Variants in JAML observed in about 807,000 individuals in gnomAD.
JAML encodes the protein junctional adhesion molecule-like.
In JAML, 25 loss-of-function variants were observed where a neutral mutation model predicts 39.3. The ratio of observed to expected loss-of-function variants is 0.64; its 90% CI spans 0.46 to 0.89. The LOEUF (loss-of-function observed/expected upper bound fraction) is 0.89. Among genes scored for constraint, JAML ranks in the 40% least tolerant of loss-of-function variants. The pLI, the probability that JAML is intolerant of heterozygous loss-of-function variation, is 0.00. For missense variants in JAML, 440 were observed against 486.9 expected, an observed-to-expected ratio of 0.90 and a Z score of 0.91; for synonymous variants, 162 against 179.2, an observed-to-expected ratio of 0.90 and a Z score of 0.77.
In JAML at chr11:118,194,155, T is replaced by A; in HGVS notation, c.*170A>T. On this transcript the variant is annotated 3_prime_UTR_variant, in exon 10 of 10. Transcript: ENST00000356289. ...CAGCAGGCCTGTTCCTCCAGAGCTGTCCAGTCTCTCTGCCAGGCTCCAAAT... is the reference window on the plus strand; with the variant it reads ...CAGCAGGCCTGTTCCTCCAGAGCTGACCAGTCTCTCTGCCAGGCTCCAAAT... 1 of 625,848 alleles carries A rather than the reference T, an allele frequency of 1.6e-6. No homozygotes were observed. The highest frequency in any genetic ancestry group is 2.9e-6 in the Non-Finnish European group (1 of 345,204). The allele number at this position is 625,848 out of a possible 1,614,324, so 38.8% of individuals were successfully genotyped here. A position where few individuals can be genotyped will look rare whatever the true frequency, so the allele number is the denominator to read the frequency against.
Position 118,212,487 on chromosome 11 carries a change from T to G in JAML, c.118A>C (p.Met40Leu). ...TCTGTGCTCTGGAAAACACATCCCA[T>G]CAGAGCTGAATCACCCACATGGACT... ...LTVHVGDSAL[M>L]GCVFQSTEDK... The change falls in exon 3 of 10, where the codon ATG becomes CTG. Residue 40 changes from methionine to leucine, a missense_variant. Transcript: ENST00000356289. The G allele has an allele frequency of 6.2e-7, 1 of 1,614,116 alleles. No homozygotes were observed. The highest frequency in any genetic ancestry group is 8.5e-7 in the Non-Finnish European group (1 of 1,179,998).
At chr11:118,200,904 A>G (rs1209137606) in intron 6 of JAML, 2 of 269,988 alleles carry the variant, frequency 7.4e-6, no homozygotes, top group Non-Finnish European at 1.4e-5. Context: ...TTGGCTTAAC[A>G]AGGACCCAGA....
At chr11:118,198,674 T>TAAAAAAAAAAAA (rs61119825) in intron 7 of JAML, among the ~76,000 whole-genome samples, 1 of 127,596 alleles carries the variant, frequency 7.8e-6, no homozygotes. Context: ...AAGTCAGAAC[T>TAAAAAAAAAAAA]AAAAAAAAAA....
chr11:118,207,977 A>AC (rs1948953180), intron 4 of JAML, among the ~76,000 whole-genome samples: 1 of 152,178 alleles, frequency 6.6e-6, no homozygotes. Context: ...CCTTTGTAAT[A>AC]CCAGCAATTT....
chr11:118,197,734 T>G (rs1948690007), intron 8 of JAML: 2 of 404,336 alleles, frequency 4.9e-6, no homozygotes, highest in African/African-American at 4.1e-5. Context: ...CTCAGGGAGG[T>G]GGCAGATCTT....
At chr11:118,196,916 C>A in intron 8 of JAML, 95 bp from the exon 9 acceptor site, 1 of 954,570 alleles carries the variant, frequency 1.0e-6, no homozygotes, top group Non-Finnish European at 1.7e-6. Flanking sequence ...AGGCATCGAC[C>A]ACCCAAACTG....
At chr11:118,224,441 T>C in intron 1 of JAML, among the ~76,000 whole-genome samples, 1 of 152,344 alleles carries the variant, frequency 6.6e-6, no homozygotes, top group South Asian at 2.1e-4. Context: ...TATAACTATG[T>C]AAAATGATGG....
At chr11:118,205,580 C>A (rs563898777) in intron 5 of JAML, 1 of 328,090 alleles carries the variant, frequency 3.0e-6, no homozygotes, top group African/African-American at 2.1e-5. Context: ...GGACTCTATA[C>A]GAAGGAAAAG....
intron 7 of JAML, among the ~76,000 whole-genome samples, chr11:118,199,747 A>G (rs1176416914): frequency 7.1e-6 from 1 of 140,706 alleles, no homozygotes; most frequent in Non-Finnish European, 1.5e-5. Flanking sequence ...CCCAGGCTGG[A>G]GTGCAGTGGC....
chr11:118,201,304 A>T (rs1392693844), intron 6 of JAML: 1 of 152,284 alleles, frequency 6.6e-6, no homozygotes, highest in African/African-American at 2.4e-5. Context: ...TGCCAGCAAA[A>T]GTTCTAAAGT....
chr11:118,200,362 C>T (rs1426498456), intron 7 of JAML, 112 bp downstream of exon 7: 6 of 1,280,156 alleles, frequency 4.7e-6, no homozygotes, highest in South Asian at 1.4e-5. Flanking sequence ...TTAAAAATAC[C>T]CCCTTCTGTG....
chr11:118,203,289 G>A, intron 6 of JAML, 139 bp downstream of exon 6: 1 of 813,800 alleles, frequency 1.2e-6, no homozygotes. Flanking sequence ...TCTCAGGGTT[G>A]TGCAAGGCCA....
intron 1 of JAML, among the ~76,000 whole-genome samples, chr11:118,220,764 G>A (rs1395346564): frequency 2.6e-5 from 4 of 152,304 alleles, no homozygotes; most frequent in Non-Finnish European, 5.9e-5. Flanking sequence ...CAGTGCAGAT[G>A]GCCAGGCCAC....
chr11:118,199,627 C>T (rs957505829), intron 7 of JAML, among the ~76,000 whole-genome samples: 1 of 151,870 alleles, frequency 6.6e-6, no homozygotes, highest in Non-Finnish European at 1.5e-5. Context: ...CATCTGGGCA[C>T]TTCTGAGACC....
rs1949215781 is a variant in JAML, at chr11:118,222,074, CTTAA to C, written c.-21+2863_-21+2866del. On this transcript the variant is annotated intron_variant, in intron 1 of 9. Transcript: ENST00000356289. This position sits in a 1 kb window ranked among gnomAD's most constrained non-coding sequence, Gnocchi z 4.2. ...TGAGAACTCCATAGTCAGAAATCAA[CTTAA>C]TTAAAGACGATATTTGGGCTGTATG... 6.6e-6 allele frequency among the ~76,000 whole-genome samples: 1 copy of C among 152,146 alleles called. No homozygotes were observed. The highest frequency in any genetic ancestry group is 2.4e-5 in the African/African-American group (1 of 41,426).
At chr11:118,220,812 AG>A (rs1949202518) in intron 1 of JAML, among the ~76,000 whole-genome samples, 1 of 152,178 alleles carries the variant, frequency 6.6e-6, no homozygotes, top group South Asian at 2.1e-4. Flanking sequence ...CATGGGAAAA[AG>A]CCCCGCACAG....
intron 2 of JAML, chr11:118,213,326 C>T (rs1203821804): frequency 1.5e-5 from 15 of 1,022,290 alleles, no homozygotes; most frequent in Non-Finnish European, 1.4e-5. Flanking sequence ...CATTTAGATG[C>T]TGCCCAGTTC....
Position 118,210,660 on chromosome 11 carries a change from A to T in JAML, c.251T>A (p.Phe84Tyr). The change falls in exon 4 of 10, where the codon TTC becomes TAC. Residue 84 changes from phenylalanine to tyrosine, a missense_variant. By Grantham distance (22) the Phe-to-Tyr change is conservative (BLOSUM62 3). Transcript: ENST00000356289. ...CCCCATCAAGTGTACGCGGTTCTGGAAGCGCCCAATAGGCACACTGAGATT... is the reference window on the plus strand; with the variant it reads ...CCCCATCAAGTGTACGCGGTTCTGGTAGCGCCCAATAGGCACACTGAGATT... ...YSNLSVPIGR[F>Y]QNRVHLMGDI... The T allele has an allele frequency of 6.2e-7, 1 of 1,614,206 alleles. No individual in the cohort carries two copies. The highest frequency in any genetic ancestry group is 1.1e-5 in the South Asian group (1 of 91,088).
rs770102239 is a variant in JAML at position 118,196,868 on chromosome 11, T to G, written c.1006-47A>C. 4 of 1,505,452 alleles carry G rather than the reference T, an allele frequency of 2.7e-6. No homozygotes were observed. The South Asian group carries it at 4.5e-5, about 17-fold the overall frequency. 93.3% of individuals were successfully genotyped at this position (1,505,452 alleles called of 1,614,324 possible). On this transcript the variant is annotated intron_variant, in intron 8 of 9. Coordinates refer to ENST00000356289, the MANE Select transcript of JAML (RefSeq NM_001098526.2). ...AAAATTCCTAAAAATTAGATGAATC[T>G]TATACACCAGAGAAAAGGCCACCCA... is the stretch of plus-strand genomic sequence containing the variant.
Sources: allele counts gnomAD v4.1 joint callset (sites outside exome capture counted in the v4.1 genomes callset), GRCh38; gene constraint gnomAD v4.1.1; non-coding constraint Gnocchi (gnomAD v3.1); transcripts MANE v1.5; gene names NCBI Gene and HGNC (gene_info 2026-07-23, HGNC 2026-07-21).